Variants in GRM7 observed in about 807,000 individuals in gnomAD.
The protein encoded by GRM7 is metabotropic glutamate receptor 7.
A neutral mutation model predicts 84.5 loss-of-function variants in GRM7; 35 were observed. The observed-to-expected ratio is 0.41, with a 90% CI of 0.32 to 0.55. GRM7 has a LOEUF of 0.55. Ranked by LOEUF, GRM7 falls within the 20% of genes least tolerant of loss-of-function variation. GRM7 has a pLI of 0.19. For synonymous variants in GRM7, 487 were observed against 455.1 expected, an observed-to-expected ratio of 1.07 and a Z score of -0.89; for missense variants, 1,003 against 1,194.6, an observed-to-expected ratio of 0.84 and a Z score of 2.36.
chr3:7,130,146 C>T (rs1693542539), intron 1 of GRM7, among the ~76,000 whole-genome samples: 1 of 152,128 alleles, frequency 6.6e-6, no homozygotes, highest in Non-Finnish European at 1.5e-5. Flanking sequence ...TGTTGAGATA[C>T]CTTGTCCTGA....
chr3:7,532,925 G>A lies in GRM7; in HGVS notation c.1516-45497G>A, dbSNP rs143809171. The stretch of plus-strand genomic sequence containing the variant: ...TGGCATTACTTACATAATGGTAAAG[G>A]GATCAATGCAACAAGAAGAGCTGAC... On this transcript the variant is annotated intron_variant, in intron 7 of 9. Coordinates refer to ENST00000357716, the MANE Select transcript of GRM7 (RefSeq NM_000844.4). Among the ~76,000 whole-genome samples the A allele has an allele frequency of 3.2e-4, 49 of 150,792 alleles. No homozygotes were observed. The East Asian group carries it at 7.8e-3, about 24-fold the overall frequency.
At chr3:7,376,201 C>T (rs1470183004) in intron 4 of GRM7, among the ~76,000 whole-genome samples, 2 of 152,146 alleles carry the variant, frequency 1.3e-5, no homozygotes, top group East Asian at 1.9e-4. Flanking sequence ...CCATGGTTCT[C>T]GCTGACTGCA....
chr3:7,075,484 C>T (rs1209244766), intron 1 of GRM7, among the ~76,000 whole-genome samples: 1 of 144,098 alleles, frequency 6.9e-6, no homozygotes, highest in Non-Finnish European at 1.5e-5. Flanking sequence ...TCCAAAACTT[C>T]TTGCTTCTCA....
intron 3 of GRM7, among the ~76,000 whole-genome samples, chr3:7,299,636 T>C (rs1031167167): frequency 6.6e-6 from 1 of 152,202 alleles, no homozygotes; most frequent in Non-Finnish European, 1.5e-5. Context: ...GCTAGAGGGA[T>C]GTGCTGCTTG....
intron 6 of GRM7, among the ~76,000 whole-genome samples, chr3:7,458,395 A>G (rs760628023): frequency 6.6e-6 from 1 of 152,156 alleles, no homozygotes; most frequent in Admixed American, 6.6e-5. Context: ...ATTGAACACA[A>G]TGCTTCTTAT....
intron 4 of GRM7, among the ~76,000 whole-genome samples, chr3:7,404,858 A>G (rs1385665139): frequency 6.6e-6 from 1 of 152,168 alleles, no homozygotes; most frequent in Non-Finnish European, 1.5e-5. Flanking sequence ...TAATCAATAA[A>G]AAATGTTTGC....
chr3:7,388,217 G>C (rs1312240736), intron 4 of GRM7, among the ~76,000 whole-genome samples: 1 of 152,116 alleles, frequency 6.6e-6, no homozygotes, highest in Non-Finnish European at 1.5e-5. Context: ...TCTAGGCATA[G>C]AATCATATCA....
chr3:7,329,597 A>G (rs1463851942), intron 4 of GRM7, among the ~76,000 whole-genome samples: 1 of 152,160 alleles, frequency 6.6e-6, no homozygotes, highest in African/African-American at 2.4e-5. Flanking sequence ...GTACTATAAA[A>G]AAGGTGATTT....
chr3:7,039,974 G>A (rs1215727490), intron 1 of GRM7, among the ~76,000 whole-genome samples: 5 of 152,016 alleles, frequency 3.3e-5, no homozygotes, highest in African/African-American at 4.8e-5. Flanking sequence ...TTTTGTACTC[G>A]GCACCTAGCA....
intron 1 of GRM7, among the ~76,000 whole-genome samples, chr3:7,011,490 A>C (rs754291172): frequency 6.6e-6 from 1 of 152,158 alleles, no homozygotes; most frequent in Non-Finnish European, 1.5e-5. Context: ...TACCATCAGG[A>C]GGTGATTGTG....
chr3:7,515,299 T>C (rs891446042), intron 7 of GRM7, among the ~76,000 whole-genome samples: 1 of 152,158 alleles, frequency 6.6e-6, no homozygotes, highest in African/African-American at 2.4e-5. Context: ...CTGATAGTTT[T>C]TGTGTTTGAG....
chr3:7,455,204 A>G (rs542621645), intron 6 of GRM7, among the ~76,000 whole-genome samples: 1 of 152,294 alleles, frequency 6.6e-6, no homozygotes, highest in Non-Finnish European at 1.5e-5. Flanking sequence ...AAACAAATAC[A>G]AGAGAATAGG....
At chr3:7,099,090 GTTCT>G (rs1698958754) in intron 1 of GRM7, among the ~76,000 whole-genome samples, 1 of 151,430 alleles carries the variant, frequency 6.6e-6, no homozygotes, top group Non-Finnish European at 1.5e-5. Context: ...CAGGCATAAT[GTTCT>G]TTAACTGTTA....
chr3:7,347,085 G>T (rs1252344010), intron 4 of GRM7, among the ~76,000 whole-genome samples: 1 of 152,156 alleles, frequency 6.6e-6, no homozygotes, highest in East Asian at 1.9e-4. Context: ...AACTTTTAGT[G>T]TGTTAAGCTT....
intron 1 of GRM7, among the ~76,000 whole-genome samples, chr3:6,908,927 C>T (rs1696674090): frequency 6.6e-6 from 1 of 152,068 alleles, no homozygotes; most frequent in Admixed American, 6.6e-5. Context: ...TGCCCTTTTG[C>T]AATTTTTTCT....
chr3:7,377,041 T>C (rs1334754610), intron 4 of GRM7, among the ~76,000 whole-genome samples: 1 of 152,192 alleles, frequency 6.6e-6, no homozygotes, highest in Admixed American at 6.5e-5. Context: ...AAATACACTT[T>C]AGAAGAAAGT....
At chr3:6,947,760 A>G (rs1031140740) in intron 1 of GRM7, among the ~76,000 whole-genome samples, 2 of 152,108 alleles carry the variant, frequency 1.3e-5, no homozygotes, top group African/African-American at 4.8e-5. Context: ...CAGAGATTCA[A>G]CTTCTTCCTG....
chr3:6,988,222 G>T (rs541940544), intron 1 of GRM7, among the ~76,000 whole-genome samples: 1 of 144,776 alleles, frequency 6.9e-6, no homozygotes, highest in African/African-American at 2.6e-5. Flanking sequence ...TGTTAGCCAG[G>T]ATGGTCTCGA....
intron 2 of GRM7, among the ~76,000 whole-genome samples, chr3:7,286,624 T>C (rs1209661260): frequency 6.6e-6 from 1 of 152,184 alleles, no homozygotes; most frequent in African/African-American, 2.4e-5. Flanking sequence ...TTCTGAATTT[T>C]TTTGTGACCC....
Sources: gnomAD v4.1 joint callset for allele counts (sites outside exome capture counted in the v4.1 genomes callset) on GRCh38, gnomAD v4.1.1 for gene constraint, MANE v1.5 for transcripts, NCBI Gene and HGNC (gene_info 2026-07-23, HGNC 2026-07-21) for gene names.